The following FAM222B variants were observed in gnomAD, a reference collection of about 807,000 sequenced individuals.
The protein encoded by FAM222B is protein FAM222B.
In FAM222B, 12 loss-of-function variants were observed where a neutral mutation model predicts 38.0. The ratio of observed to expected loss-of-function variants is 0.32; its 90% confidence interval spans 0.20 to 0.51. FAM222B has a LOEUF of 0.51. FAM222B is among the 20% of genes least tolerant of loss of function. The pLI is 0.97. For synonymous variants in FAM222B, 329 were observed against 317.2 expected (o/e 1.04, Z -0.40); for missense variants, 716 against 754.2 (o/e 0.95, Z 0.59).
chr17:28,815,491 G>T (rs928389481), intron 1 of FAM222B, among the ~76,000 whole-genome samples: 1 of 152,126 alleles, frequency 6.6e-6, no homozygotes, highest in African/African-American at 2.4e-5. Context: ...TGGGATTACA[G>T]GCGTGAGCCA....
upstream of FAM222B, among the ~76,000 whole-genome samples, chr17:28,843,186 T>C (rs185456893): frequency 7.4e-4 from 113 of 151,764 alleles, 1 homozygote; most frequent in South Asian, 2.1e-3. Flanking sequence ...TTGTCCAGGT[T>C]GGAGTGCAAT....
chr17:28,840,063 G>C (rs918874413), intron 1 of FAM222B, among the ~76,000 whole-genome samples: 2 of 152,062 alleles, frequency 1.3e-5, no homozygotes, highest in Non-Finnish European at 1.5e-5. Flanking sequence ...TTTAAAAGGA[G>C]TCTGCATCTC....
chr17:28,791,706 A>G (rs2036695929), intron 1 of FAM222B, among the ~76,000 whole-genome samples: 1 of 132,052 alleles, frequency 7.6e-6, no homozygotes, highest in Non-Finnish European at 1.6e-5. Context: ...TTTGAGACAG[A>G]GTCTAGGCTG....
At chr17:28,815,704 A>T (rs978391640) in intron 1 of FAM222B, among the ~76,000 whole-genome samples, 2 of 151,998 alleles carry the variant, frequency 1.3e-5, no homozygotes, top group African/African-American at 2.4e-5. Context: ...ATGACTCACG[A>T]CTGTAACTCC....
At chr17:28,825,130 G>A (rs2038391181) in intron 1 of FAM222B, among the ~76,000 whole-genome samples, 1 of 151,216 alleles carries the variant, frequency 6.6e-6, no homozygotes, top group East Asian at 2.0e-4. Flanking sequence ...TATCATACTC[G>A]TACTTAAAAA....
At chr17:28,841,062 A>T (rs2152630569) in intron 1 of FAM222B, among the ~76,000 whole-genome samples, 1 of 152,270 alleles carries the variant, frequency 6.6e-6, no homozygotes, top group East Asian at 1.9e-4. Flanking sequence ...TGAGAGGCCG[A>T]GGTGGGTGGA....
intron 1 of FAM222B, among the ~76,000 whole-genome samples, chr17:28,852,470 G>A (rs1309497467): frequency 6.6e-6 from 1 of 151,822 alleles, no homozygotes; most frequent in African/African-American, 2.4e-5. Context: ...AACCCCATCT[G>A]TACAAAAAAA....
At chr17:28,854,710 T>C (rs1023775073) in intron 1 of FAM222B, among the ~76,000 whole-genome samples, 1 of 152,152 alleles carries the variant, frequency 6.6e-6, no homozygotes, top group Non-Finnish European at 1.5e-5. Flanking sequence ...GGGAGGACGA[T>C]TTCTGCTATT....
intron 1 of FAM222B, among the ~76,000 whole-genome samples, chr17:28,806,352 T>C (rs2037497302): frequency 6.6e-6 from 1 of 152,212 alleles, no homozygotes; most frequent in Non-Finnish European, 1.5e-5. Flanking sequence ...TTGGTAAAGA[T>C]GCCCTCTGCC....
intron 1 of FAM222B, among the ~76,000 whole-genome samples, chr17:28,801,323 G>T (rs1207617267): frequency 6.7e-6 from 1 of 150,362 alleles, no homozygotes; most frequent in Non-Finnish European, 1.5e-5. Context: ...CGATGTGGCG[G>T]GCGCCTGTAG....
At chr17:28,832,804 T>G (rs549066848) in intron 1 of FAM222B, among the ~76,000 whole-genome samples, 18 of 151,332 alleles carry the variant, frequency 1.2e-4, no homozygotes, top group Admixed American at 4.6e-4. Context: ...GGGGGAGAAG[T>G]TGAAAATAGG....
chr17:28,821,732 C>T (rs1288666722), intron 1 of FAM222B, among the ~76,000 whole-genome samples: 1 of 152,082 alleles, frequency 6.6e-6, no homozygotes, highest in East Asian at 1.9e-4. Context: ...GAGGCTGAGG[C>T]AGGTGGATCA....
chr17:28,838,436 C>T (rs1482185604), intron 1 of FAM222B, among the ~76,000 whole-genome samples: 4 of 151,460 alleles, frequency 2.6e-5, no homozygotes, highest in Admixed American at 2.0e-4. Flanking sequence ...AAAAATTAGC[C>T]GGGCGTGGTG....
chr17:28,800,853 G>A (rs1275971708), intron 1 of FAM222B, among the ~76,000 whole-genome samples: 137 of 110,912 alleles, frequency 1.2e-3, no homozygotes, highest in East Asian at 1.6e-3. Context: ...ACATTTTGTT[G>A]AAAAAAAAAA....
At chr17:28,767,722 C>T (rs185561694) in intron 1 of FAM222B, among the ~76,000 whole-genome samples, 10 of 152,250 alleles carry the variant, frequency 6.6e-5, no homozygotes, top group African/African-American at 1.2e-4. Flanking sequence ...GTGGTCCGCC[C>T]GCCTCAGCTT....
At chr17:28,826,374 A>G (rs961693556) in intron 1 of FAM222B, among the ~76,000 whole-genome samples, 1 of 152,010 alleles carries the variant, frequency 6.6e-6, no homozygotes, top group Non-Finnish European at 1.5e-5. Context: ...CCCGGCCATT[A>G]ACTGATTTTT....
intron 1 of FAM222B, among the ~76,000 whole-genome samples, chr17:28,801,690 G>C (rs971067387): frequency 6.6e-6 from 1 of 151,982 alleles, no homozygotes. Flanking sequence ...GGTCCATACA[G>C]GAACCCAGTA....
At chr17:28,795,521 G>A (rs1423992668) in intron 1 of FAM222B, among the ~76,000 whole-genome samples, 9 of 152,094 alleles carry the variant, frequency 5.9e-5, no homozygotes, top group South Asian at 2.1e-4. Flanking sequence ...TCGACTTCCC[G>A]GGCTCAGGTG....
At chr17:28,771,689 A>G (rs989461651) in intron 1 of FAM222B, among the ~76,000 whole-genome samples, 1 of 152,118 alleles carries the variant, frequency 6.6e-6, no homozygotes, top group African/African-American at 2.4e-5. Context: ...TTAACATGAA[A>G]AACATGAACA....
Sources: allele counts gnomAD v4.1 joint callset (sites outside exome capture counted in the v4.1 genomes callset), GRCh38; gene constraint gnomAD v4.1.1; transcripts MANE v1.5; gene names NCBI Gene and HGNC (gene_info 2026-07-23, HGNC 2026-07-21).